The following SMG6 variants were observed in gnomAD, a reference collection of about 807,000 sequenced individuals.
SMG6 encodes the protein telomerase-binding protein EST1A.
In SMG6, 66 loss-of-function variants were observed where a neutral mutation model predicts 142.2. The observed-to-expected ratio is 0.46, with a 90% CI of 0.38 to 0.57. The LOEUF (loss-of-function observed/expected upper bound fraction) is 0.57, where lower values mean the gene tolerates loss of function less well. Among genes scored for constraint, SMG6 ranks in the 20% least tolerant of loss-of-function variants. The pLI, the probability that SMG6 is intolerant of heterozygous loss-of-function variation, is 0.00. For synonymous variants in SMG6, 779 were observed against 702.4 expected, an observed-to-expected ratio of 1.11 and a Z score of -1.72; for missense variants, 1,793 against 1,832.0, an observed-to-expected ratio of 0.98 and a Z score of 0.39.
chr17:2,303,582 A>G, intron 1 of SMG6, 51 bp downstream of exon 1: 1 of 1,374,122 alleles, frequency 7.3e-7, no homozygotes, highest in South Asian at 1.6e-5. Context: ...GGAGGAGGAG[A>G]GGGAGGCGGG....
intron 13 of SMG6, among the ~76,000 whole-genome samples, chr17:2,140,543 G>A (rs374799191): frequency 1.2e-3 from 182 of 151,934 alleles, no homozygotes; most frequent in Admixed American, 1.9e-3. Flanking sequence ...GTGGTAGCAC[G>A]CACCTGTTGT....
At chr17:2,142,931 A>C (rs1056616276) in intron 13 of SMG6, among the ~76,000 whole-genome samples, 6 of 151,568 alleles carry the variant, frequency 4.0e-5, no homozygotes, top group South Asian at 4.2e-4. Context: ...ATATTTGAAC[A>C]GTATTCCAAA....
chr17:2,245,089 AG>A (rs750848648), intron 8 of SMG6, among the ~76,000 whole-genome samples: 4 of 152,222 alleles, frequency 2.6e-5, no homozygotes, highest in Non-Finnish European at 4.4e-5. Flanking sequence ...AACAGGAGCA[AG>A]GATAATAGTG....
chr17:2,153,953 G>A (rs1206929190), intron 13 of SMG6, among the ~76,000 whole-genome samples: 6 of 144,118 alleles, frequency 4.2e-5, no homozygotes, highest in African/African-American at 1.3e-4. Flanking sequence ...AGAGTGTGAC[G>A]GTGACTGGGG....
At chr17:2,204,576 G>C (rs906051318) in intron 10 of SMG6, among the ~76,000 whole-genome samples, 1 of 152,224 alleles carries the variant, frequency 6.6e-6, no homozygotes, top group African/African-American at 2.4e-5. Flanking sequence ...GGAAGGAAGT[G>C]AGAAAGCAGC....
At chr17:2,270,056 C>T (rs2074512806) in intron 8 of SMG6, among the ~76,000 whole-genome samples, 1 of 152,058 alleles carries the variant, frequency 6.6e-6, no homozygotes, top group African/African-American at 2.4e-5. Flanking sequence ...AAAACTAGCA[C>T]TTGAACTCAG....
chr17:2,302,992 A>C (rs1301202571), intron 1 of SMG6: 1 of 985,354 alleles, frequency 1.0e-6, no homozygotes, highest in African/African-American at 1.7e-5. Flanking sequence ...AGGAGAGGTG[A>C]GACACTTAGA....
At chr17:2,107,756 G>A (rs918364157) in intron 13 of SMG6, among the ~76,000 whole-genome samples, 1 of 152,232 alleles carries the variant, frequency 6.6e-6, no homozygotes, top group Non-Finnish European at 1.5e-5. Flanking sequence ...TGGGGCCAGA[G>A]AGAGAGAGAA....
At position 2,126,978 on chromosome 17, in the gene SMG6, G is replaced by A. The variant is rs375963449; in HGVS notation, c.3358-41077C>T. Among the ~76,000 whole-genome samples the A allele has an allele frequency of 3.6e-4, 55 of 151,796 alleles. No homozygotes were observed. In the South Asian group the frequency reaches 9.8e-3, roughly 27 times the overall value. On this transcript the variant is annotated intron_variant, in intron 13 of 18. Coordinates refer to ENST00000263073, the MANE Select transcript of SMG6 (RefSeq NM_017575.5). ...CACACACATATACGCGTGAACACAC[G>A]CGTGCATATAATTAGCTGGGTGTGG... is the stretch of plus-strand genomic sequence containing the variant.
intron 10 of SMG6, among the ~76,000 whole-genome samples, chr17:2,190,241 G>T (rs1345088482): frequency 6.6e-6 from 1 of 152,174 alleles, no homozygotes; most frequent in Non-Finnish European, 1.5e-5. Flanking sequence ...GAAGAAGGGA[G>T]TAAGTCCAGA....
intron 13 of SMG6, among the ~76,000 whole-genome samples, chr17:2,172,070 G>A (rs1429109106): frequency 1.3e-5 from 2 of 152,144 alleles, no homozygotes. Flanking sequence ...AGCGCAACAG[G>A]GAATCGGCTT....
chr17:2,171,299 AAAAC>A (rs2071493659), intron 13 of SMG6, among the ~76,000 whole-genome samples: 1 of 151,734 alleles, frequency 6.6e-6, no homozygotes, highest in African/African-American at 2.4e-5. Context: ...AAATAAAATA[AAAAC>A]AAATAGTATA....
At chr17:2,120,982 C>T (rs750350194) in intron 13 of SMG6, among the ~76,000 whole-genome samples, 9 of 152,000 alleles carry the variant, frequency 5.9e-5, no homozygotes, top group Admixed American at 1.3e-4. Context: ...TAAAAAAAAG[C>T]GGGGGGCAAA....
In SMG6 at chr17:2,060,281, C is replaced by G. The variant is rs1023801108; in HGVS notation, c.*1211G>C. 3.3e-5 allele frequency: 5 copies of G among 152,254 alleles called. No individual in the cohort carries two copies. The highest frequency in any genetic ancestry group is 7.3e-5 in the Non-Finnish European group (5 of 68,074). 9.4% of individuals were successfully genotyped at this position (152,254 alleles called of 1,614,324 possible). The stretch of plus-strand genomic sequence containing the variant: ...GAACTCATTCTTGGTAAGGAAGCCT[C>G]CCCACTGAGGTACCAGCTAAAGGGG... On this transcript the variant is annotated 3_prime_UTR_variant, in exon 19 of 19. Transcript: ENST00000263073.
chr17:2,127,072 G>A (rs1441938125), intron 13 of SMG6, among the ~76,000 whole-genome samples: 4 of 149,264 alleles, frequency 2.7e-5, no homozygotes, highest in Non-Finnish European at 4.4e-5. Context: ...TTGGGAGTTC[G>A]AGGCTGCAGT....
chr17:2,179,445 A>G (rs1193229001), intron 12 of SMG6, among the ~76,000 whole-genome samples: 3 of 152,210 alleles, frequency 2.0e-5, no homozygotes, highest in Non-Finnish European at 4.4e-5. Context: ...AAGTCAGCTT[A>G]CTGCATACGC....
intron 10 of SMG6, chr17:2,212,551 T>G (rs1326979159): frequency 6.6e-6 from 1 of 152,188 alleles, no homozygotes; most frequent in Non-Finnish European, 1.5e-5. Context: ...ACCAAAAATA[T>G]TCTTTGGTAA....
chr17:2,232,102 A>G (rs1035563241), intron 10 of SMG6, among the ~76,000 whole-genome samples: 3 of 149,306 alleles, frequency 2.0e-5, no homozygotes, highest in East Asian at 3.9e-4. Flanking sequence ...ATGAAGGAAG[A>G]AAAAAAAAAG....
At position 2,142,727 on chromosome 17, in the gene SMG6, T is replaced by TA. The variant is rs1041769326; in HGVS notation, c.3357+29930dup. On this transcript the variant is annotated intron_variant, in intron 13 of 18. Coordinates refer to ENST00000263073, the MANE Select transcript of SMG6 (RefSeq NM_017575.5). ...GGAGAAACCCCGTCTCTACTAAAAA[T>TA]AAAAAAAAAAATTAGCCAGGCGTGG... Among the ~76,000 whole-genome samples the TA allele has an allele frequency of 1.7e-3, 238 of 142,800 alleles. 1 individual carries two copies. The highest frequency in any genetic ancestry group is 2.4e-3 in the Non-Finnish European group (155 of 64,884). 93.7% of individuals were successfully genotyped at this position (142,800 alleles called of 152,430 possible). A position where few individuals can be genotyped will look rare whatever the true frequency, so the allele number is the denominator to read the frequency against.
Sources: allele counts gnomAD v4.1 joint callset (sites outside exome capture counted in the v4.1 genomes callset), GRCh38; gene constraint gnomAD v4.1.1; transcripts MANE v1.5; gene names NCBI Gene and HGNC (gene_info 2026-07-23, HGNC 2026-07-21).